Variants in EHBP1 observed in about 807,000 individuals in gnomAD.
The protein encoded by EHBP1 is EH domain binding protein 1.
Under a neutral mutation model 144.0 loss-of-function variants are expected in EHBP1, and 55 were observed. The ratio of observed to expected loss-of-function variants is 0.38; its 90% CI spans 0.31 to 0.48. The LOEUF (loss-of-function observed/expected upper bound fraction) is 0.48, where lower values mean the gene tolerates loss of function less well. EHBP1 is among the 20% of genes least tolerant of loss of function. The probability of loss-of-function intolerance (pLI) is 0.98; values close to 1 mark genes in which losing one functional copy is unlikely to be tolerated. For missense variants in EHBP1, 1,200 were observed against 1,364.2 expected (o/e 0.88, Z 1.90); for synonymous variants, 469 against 472.7 (o/e 0.99, Z 0.10).
chr2:62,776,730 T>G (rs1179413924), intron 5 of EHBP1, among the ~76,000 whole-genome samples: 1 of 152,190 alleles, frequency 6.6e-6, no homozygotes, highest in Non-Finnish European at 1.5e-5. Context: ...TTTGGATCAT[T>G]TACAATCCAT....
intron 19 of EHBP1, among the ~76,000 whole-genome samples, chr2:63,000,978 G>A (rs1043467164): frequency 1.3e-5 from 2 of 152,154 alleles, no homozygotes; most frequent in African/African-American, 4.8e-5. Flanking sequence ...TGTAAGTTTA[G>A]TGCTAATGGA....
At chr2:62,762,189 G>A (rs1199678180) in intron 3 of EHBP1, among the ~76,000 whole-genome samples, 3 of 152,146 alleles carry the variant, frequency 2.0e-5, no homozygotes, top group Non-Finnish European at 4.4e-5. Flanking sequence ...TGGCACAGGT[G>A]ATTGTTCTCT....
At chr2:62,713,583 C>T (rs1460831332) in intron 2 of EHBP1, among the ~76,000 whole-genome samples, 3 of 152,032 alleles carry the variant, frequency 2.0e-5, no homozygotes, top group Non-Finnish European at 4.4e-5. Context: ...AGAGATGGGG[C>T]AGAAGGTTAG....
chr2:62,886,360 A>G (rs557386763), intron 10 of EHBP1, among the ~76,000 whole-genome samples: 7 of 152,360 alleles, frequency 4.6e-5, no homozygotes, highest in South Asian at 2.1e-4. Flanking sequence ...TTTTAAAAGA[A>G]AATTTAAAAT....
chr2:62,738,382 A>G (rs1482347931), intron 2 of EHBP1, among the ~76,000 whole-genome samples: 4 of 152,152 alleles, frequency 2.6e-5, no homozygotes, highest in Admixed American at 6.6e-5. Flanking sequence ...TGTGTTAATA[A>G]TTACTAATTT....
In EHBP1 at chr2:63,006,133, T is replaced by G. The variant is rs575712976; in HGVS notation, c.3103+9367T>G. Among the ~76,000 whole-genome samples, 6 of 152,112 alleles carry G rather than the reference T, an allele frequency of 3.9e-5. No individual in the cohort carries two copies. The South Asian group carries it at 1.2e-3, about 32-fold the overall frequency. On this transcript the variant is annotated intron_variant, in intron 19 of 22. Transcript: ENST00000431489. ...TCCAGTAGCTTATAAAACTTTGGACTAGGGAGGCTAAGATGGTATCTTACA... is the reference window on the plus strand; with the variant it reads ...TCCAGTAGCTTATAAAACTTTGGACGAGGGAGGCTAAGATGGTATCTTACA...
At chr2:62,863,020 C>T (rs180797797) in intron 8 of EHBP1, among the ~76,000 whole-genome samples, 5 of 152,296 alleles carry the variant, frequency 3.3e-5, no homozygotes, top group Non-Finnish European at 5.9e-5. Context: ...CAGTGGCTCA[C>T]GCCTGTAATC....
At chr2:62,755,890 C>T (rs1393784713) in intron 3 of EHBP1, among the ~76,000 whole-genome samples, 2 of 151,342 alleles carry the variant, frequency 1.3e-5, no homozygotes, top group Non-Finnish European at 2.9e-5. Flanking sequence ...GCTTGAATGC[C>T]ACATTCAGGG....
chr2:62,834,673 G>A (rs1161363594), intron 7 of EHBP1, among the ~76,000 whole-genome samples: 1 of 152,192 alleles, frequency 6.6e-6, no homozygotes, highest in Non-Finnish European at 1.5e-5. Context: ...TCTGGAACCA[G>A]ACTAGCAATA....
intron 10 of EHBP1, among the ~76,000 whole-genome samples, chr2:62,911,243 G>A (rs1299128836): frequency 1.3e-5 from 2 of 152,004 alleles, no homozygotes; most frequent in Admixed American, 6.6e-5. Flanking sequence ...TATAAAATAG[G>A]AATAATAATA....
intron 5 of EHBP1, among the ~76,000 whole-genome samples, chr2:62,774,230 G>A (rs568957414): frequency 3.3e-5 from 5 of 152,124 alleles, no homozygotes; most frequent in African/African-American, 1.2e-4. Context: ...AATTAGCCAG[G>A]TATGGTGGTG....
upstream of EHBP1, chr2:62,705,669 A>G (rs2034474160): frequency 6.6e-6 from 1 of 151,982 alleles, no homozygotes; most frequent in African/African-American, 2.4e-5. Context: ...GGGCCTGGCC[A>G]ATGGCGGCGG....
At chr2:62,730,456 C>T (rs2037399345) in intron 2 of EHBP1, among the ~76,000 whole-genome samples, 1 of 152,118 alleles carries the variant, frequency 6.6e-6, no homozygotes, top group African/African-American at 2.4e-5. Flanking sequence ...ATTGAAGTTT[C>T]CTCCATGTCT....
rs1287070358 is a variant in EHBP1, at chr2:62,900,652, G to GT, written c.1185+26126dup. On this transcript the variant is annotated intron_variant, in intron 10 of 22. Transcript: ENST00000431489. ...AAAAAGAAAAAGGTTGGGAGGAAGT[G>GT]TTTTTTGTTTTTTGTGGGTGTGTGT... 2.7e-5 allele frequency among the ~76,000 whole-genome samples: 4 copies of GT among 147,946 alleles called. No homozygotes were observed. In the South Asian group the frequency reaches 8.4e-4, roughly 31 times the overall value.
At chr2:62,855,359 A>C (rs988665874) in intron 7 of EHBP1, among the ~76,000 whole-genome samples, 2 of 151,964 alleles carry the variant, frequency 1.3e-5, no homozygotes, top group Non-Finnish European at 1.5e-5. Context: ...ATAGGAGGGG[A>C]GCTGATGGGT....
At chr2:62,841,168 G>A (rs1255285573) in intron 7 of EHBP1, among the ~76,000 whole-genome samples, 1 of 152,128 alleles carries the variant, frequency 6.6e-6, no homozygotes, top group Non-Finnish European at 1.5e-5. Flanking sequence ...CCATAAAAAA[G>A]GGTGAGTTCA....
intron 10 of EHBP1, among the ~76,000 whole-genome samples, chr2:62,937,232 C>G (rs570309458): frequency 2.4e-4 from 36 of 152,158 alleles, no homozygotes; most frequent in Non-Finnish European, 4.6e-4. Context: ...GCAGTATTTT[C>G]TTGAAATGTG....
intron 7 of EHBP1, among the ~76,000 whole-genome samples, chr2:62,858,892 T>C (rs2049288023): frequency 6.6e-6 from 1 of 152,194 alleles, no homozygotes. Context: ...TGTCAACACT[T>C]TTTTTATTGG....
At chr2:62,879,554 C>CAT (rs2051197903) in intron 10 of EHBP1, among the ~76,000 whole-genome samples, 1 of 145,372 alleles carries the variant, frequency 6.9e-6, no homozygotes, top group East Asian at 2.0e-4. Context: ...ATAACACACA[C>CAT]ACACACACAC....
Sources: allele counts gnomAD v4.1 joint callset (sites outside exome capture counted in the v4.1 genomes callset), GRCh38; gene constraint gnomAD v4.1.1; transcripts MANE v1.5; gene names NCBI Gene and HGNC (gene_info 2026-07-23, HGNC 2026-07-21).